FHIT: variants seen among roughly 807,000 people sequenced by gnomAD.
FHIT encodes the protein fragile histidine triad diadenosine triphosphatase.
In FHIT, 19 loss-of-function variants were observed where a neutral mutation model predicts 17.9. The ratio of observed to expected loss-of-function variants is 1.06; its 90% CI spans 0.74 to 1.56. The LOEUF is 1.56. FHIT is among the 40% of genes most tolerant of loss of function. The probability of loss-of-function intolerance (pLI) is 0.00; values close to 1 mark genes in which losing one functional copy is unlikely to be tolerated. For synonymous variants in FHIT, 81 were observed against 69.7 expected, an observed-to-expected ratio of 1.16 and a Z score of -0.81; for missense variants, 248 against 189.2, an observed-to-expected ratio of 1.31 and a Z score of -1.82.
chr3:60,336,430 G>A (rs1352014392), intron 5 of FHIT, among the ~76,000 whole-genome samples: 2 of 152,174 alleles, frequency 1.3e-5, no homozygotes, highest in Non-Finnish European at 2.9e-5. Context: ...AGCTGTTAAA[G>A]AATGGCTTTA....
intron 3 of FHIT, among the ~76,000 whole-genome samples, chr3:60,899,633 G>A (rs965976582): frequency 6.6e-6 from 1 of 152,160 alleles, no homozygotes; most frequent in African/African-American, 2.4e-5. Flanking sequence ...CCAACAGTGT[G>A]CCAGAGACTC....
chr3:60,481,920 T>C (rs1310671235), intron 5 of FHIT, among the ~76,000 whole-genome samples: 2 of 152,162 alleles, frequency 1.3e-5, no homozygotes, highest in African/African-American at 4.8e-5. Flanking sequence ...TGTGCTGTGT[T>C]CAGGAGACCC....
At chr3:60,076,699 T>C (rs575723218) in intron 5 of FHIT, among the ~76,000 whole-genome samples, 1 of 152,150 alleles carries the variant, frequency 6.6e-6, no homozygotes, top group African/African-American at 2.4e-5. Flanking sequence ...ACAGCTCAGC[T>C]GTTGAGGATT....
chr3:60,175,763 T>G (rs995717183), intron 5 of FHIT, among the ~76,000 whole-genome samples: 1 of 152,154 alleles, frequency 6.6e-6, no homozygotes, highest in Non-Finnish European at 1.5e-5. Flanking sequence ...TTCACCAAGT[T>G]AGAAGCTGAA....
chr3:60,790,739 A>T (rs1700749270), intron 4 of FHIT, among the ~76,000 whole-genome samples: 1 of 152,206 alleles, frequency 6.6e-6, no homozygotes, highest in Admixed American at 6.5e-5. Context: ...ACATGATGTT[A>T]CATACTTGTC....
intron 4 of FHIT, among the ~76,000 whole-genome samples, chr3:60,709,109 G>A (rs1553704305): frequency 6.6e-6 from 1 of 152,150 alleles, no homozygotes; most frequent in Non-Finnish European, 1.5e-5. Context: ...AGAGTTTGTG[G>A]TTATGTTGGT....
chr3:61,200,144 G>C (rs890008604), intron 2 of FHIT, among the ~76,000 whole-genome samples: 1 of 152,174 alleles, frequency 6.6e-6, no homozygotes, highest in South Asian at 2.1e-4. Context: ...ACCAAATTCA[G>C]TGGCTCTTTT....
chr3:60,119,076 T>C (rs551852278), intron 5 of FHIT, among the ~76,000 whole-genome samples: 12 of 151,856 alleles, frequency 7.9e-5, no homozygotes, highest in Non-Finnish European at 1.6e-4. Flanking sequence ...CAATTTTTAA[T>C]TTATTTTTTA....
At chr3:60,142,016 G>A (rs969049778) in intron 5 of FHIT, among the ~76,000 whole-genome samples, 1 of 152,052 alleles carries the variant, frequency 6.6e-6, no homozygotes, top group African/African-American at 2.4e-5. Context: ...GACATGGGGG[G>A]ATAAAAAAGA....
intron 5 of FHIT, among the ~76,000 whole-genome samples, chr3:60,468,424 T>A (rs2107439276): frequency 6.6e-6 from 1 of 152,236 alleles, no homozygotes; most frequent in Non-Finnish European, 1.5e-5. Context: ...TCTCAAGTGA[T>A]ATGTTTTTAT....
chr3:59,980,360 C>T (rs1430897411), intron 7 of FHIT, among the ~76,000 whole-genome samples: 1 of 152,206 alleles, frequency 6.6e-6, no homozygotes, highest in Non-Finnish European at 1.5e-5. Flanking sequence ...CTATATTCTT[C>T]ATACTTCAAA....
chr3:60,064,184 G>A (rs1404744501), intron 5 of FHIT, among the ~76,000 whole-genome samples: 1 of 152,056 alleles, frequency 6.6e-6, no homozygotes, highest in Non-Finnish European at 1.5e-5. Context: ...TATAGGTATG[G>A]CTAATTTGAT....
chr3:61,192,040 T>C (rs972501834), intron 2 of FHIT, among the ~76,000 whole-genome samples: 1 of 152,038 alleles, frequency 6.6e-6, no homozygotes, highest in African/African-American at 2.4e-5. Flanking sequence ...AGAACAGATA[T>C]TTTATTTTGC....
At chr3:60,999,902 G>A (rs1434877592) in intron 3 of FHIT, among the ~76,000 whole-genome samples, 1 of 152,120 alleles carries the variant, frequency 6.6e-6, no homozygotes, top group East Asian at 1.9e-4. Context: ...CCCACTTCTG[G>A]TTCACAGATG....
chr3:59,974,664 A>G (rs992140466), intron 7 of FHIT, among the ~76,000 whole-genome samples: 1 of 152,112 alleles, frequency 6.6e-6, no homozygotes, highest in Non-Finnish European at 1.5e-5. Context: ...CTTTATACGT[A>G]CCTAAATGAC....
chr3:60,826,172 AGG>A (rs1702110362), intron 3 of FHIT, among the ~76,000 whole-genome samples: 9 of 78,012 alleles, frequency 1.2e-4, no homozygotes, highest in Admixed American at 4.2e-4. Context: ...GAAGGAAGGA[AGG>A]AAGGAAGGAA....
intron 3 of FHIT, among the ~76,000 whole-genome samples, chr3:60,885,425 T>C (rs1705179045): frequency 6.6e-6 from 1 of 152,180 alleles, no homozygotes; most frequent in Non-Finnish European, 1.5e-5. Context: ...CCCTTCTGCA[T>C]ACAAAAAGTG....
intron 5 of FHIT, among the ~76,000 whole-genome samples, chr3:60,031,358 G>A (rs555505906): frequency 1.3e-5 from 2 of 152,282 alleles, no homozygotes; most frequent in South Asian, 2.1e-4. Context: ...GGAAACAAGG[G>A]TCAACCTTTG....
chr3:60,457,795 A>T (rs1415472179), intron 5 of FHIT, among the ~76,000 whole-genome samples: 1 of 151,460 alleles, frequency 6.6e-6, no homozygotes, highest in Non-Finnish European at 1.5e-5. Context: ...CACTTCTCAA[A>T]AGAAGACATT....
Sources: allele counts gnomAD v4.1 joint callset (sites outside exome capture counted in the v4.1 genomes callset), GRCh38; gene constraint gnomAD v4.1.1; transcripts MANE v1.5; gene names NCBI Gene and HGNC (gene_info 2026-07-23, HGNC 2026-07-21).